FAM169A: variants seen among roughly 807,000 people sequenced by gnomAD.
FAM169A encodes the protein soluble lamin-associated protein of 75 kDa.
Under a neutral mutation model 75.7 loss-of-function variants are expected in FAM169A, and 24 were observed. That is an observed-to-expected ratio of 0.32 (90% CI 0.23 to 0.45). The LOEUF is 0.45. Ranked by LOEUF, FAM169A falls within the 20% of genes least tolerant of loss-of-function variation. The pLI is 1.00. For synonymous variants in FAM169A, 271 were observed against 271.0 expected (o/e 1.00, Z 0.00); for missense variants, 673 against 784.0 (o/e 0.86, Z 1.69).
intron 5 of FAM169A, among the ~76,000 whole-genome samples, chr5:74,818,570 G>GC (rs547390121): frequency 3.9e-3 from 317 of 80,826 alleles, no homozygotes; most frequent in East Asian, 0.017. Context: ...CCCAGACCCC[G>GC]CCCCCCCCAC....
At chr5:74,834,631 T>G in intron 4 of FAM169A, 34 bp from the exon 5 acceptor site, 1 of 1,455,744 alleles carries the variant, frequency 6.9e-7, no homozygotes, top group Non-Finnish European at 9.1e-7. Context: ...GCACAGCAGT[T>G]ATAATATGCA....
intron 5 of FAM169A, among the ~76,000 whole-genome samples, chr5:74,833,115 T>A (rs746328676): frequency 2.0e-5 from 3 of 152,048 alleles, no homozygotes; most frequent in Non-Finnish European, 2.9e-5. Flanking sequence ...AAAGAAGCCC[T>A]CAATACAAAA....
intron 5 of FAM169A, among the ~76,000 whole-genome samples, chr5:74,819,612 G>C (rs1212892260): frequency 6.6e-6 from 1 of 152,112 alleles, no homozygotes; most frequent in Non-Finnish European, 1.5e-5. Flanking sequence ...GTTCATATCA[G>C]CATTGTTCAA....
intron 4 of FAM169A, among the ~76,000 whole-genome samples, chr5:74,838,456 T>A (rs916765374): frequency 6.6e-6 from 1 of 152,166 alleles, no homozygotes; most frequent in African/African-American, 2.4e-5. Context: ...AACCCTTTCA[T>A]CTCTAGCATG....
At chr5:74,822,267 T>C (rs141263660) in intron 5 of FAM169A, among the ~76,000 whole-genome samples, 8 of 152,308 alleles carry the variant, frequency 5.3e-5, no homozygotes, top group African/African-American at 1.9e-4. Context: ...AAGGAATGCA[T>C]CTTAACCACT....
Position 74,834,553 on chromosome 5 carries a change from T to C in FAM169A, c.363A>G (p.Arg121=). 6.2e-7 allele frequency: 1 copy of C among 1,602,616 alleles called. No individual in the cohort carries two copies. The highest frequency in any genetic ancestry group is 2.3e-5 in the East Asian group (1 of 44,438). The change falls in exon 5 of 13, where the codon CGA becomes CGG. Residue 121 remains arginine, a synonymous_variant. Transcript: ENST00000687041. ...CCATTTCCTGTTTTCTATAAATAAT[T>C]CGATTCAGAACATACAGAACCACTC... ...GERVVLYVLN[R]IIYRKQEMER... is the part of the protein sequence containing the mutation.
At chr5:74,852,909 G>T (rs1419448157) in intron 1 of FAM169A, among the ~76,000 whole-genome samples, 6 of 152,158 alleles carry the variant, frequency 3.9e-5, no homozygotes, top group African/African-American at 1.4e-4. Flanking sequence ...GAACTGAAGG[G>T]AGACAAGTTG....
chr5:74,788,798 G>A (rs1031843018), intron 11 of FAM169A, among the ~76,000 whole-genome samples: 1 of 152,150 alleles, frequency 6.6e-6, no homozygotes, highest in African/African-American at 2.4e-5. Flanking sequence ...CAAGGACGGT[G>A]CAGGGGTGGT....
rs2112450113 is a variant in FAM169A at position 74,781,920 on chromosome 5, G to C, written c.1553C>G (p.Pro518Arg). ...ACTCCCAAGATGTGCTTTCTTTCTT[G>C]GAAGTAGGGACAATTTCTCTTCCAT... Reference protein sequence around the residue: ...GHMEEKLSLLPRKKAHLGSSD... With the variant: ...GHMEEKLSLLRRKKAHLGSSD... Residue 518 changes from proline to arginine, a missense_variant, in exon 13 of 13, where the codon CCA (proline) becomes CGA (arginine). Physicochemically the swap from Pro to Arg is moderately radical, Grantham distance 103 (BLOSUM62 -2). This residue lies in a region of FAM169A where 510 missense variants were observed against 550.9 expected (regional missense o/e 0.93). Coordinates refer to ENST00000687041, the MANE Select transcript of FAM169A (RefSeq NM_001376049.1). 1 of 1,613,956 alleles carries C rather than the reference G, an allele frequency of 6.2e-7. No individual in the cohort carries two copies. Among genetic ancestry groups the C allele is most frequent in the Non-Finnish European group, 8.5e-7 (1 of 1,179,918 alleles).
At chr5:74,837,112 T>C (rs181854482) in intron 4 of FAM169A, among the ~76,000 whole-genome samples, 280 of 152,290 alleles carry the variant, frequency 1.8e-3, no homozygotes, top group Middle Eastern at 6.8e-3. Flanking sequence ...TATACCATCA[T>C]ATTAAGATTT....
intron 11 of FAM169A, among the ~76,000 whole-genome samples, chr5:74,792,433 C>T (rs1297561619): frequency 1.3e-5 from 2 of 152,138 alleles, no homozygotes; most frequent in Admixed American, 6.5e-5. Context: ...AGCCTCCCAG[C>T]CTACATCTTT....
intron 5 of FAM169A, among the ~76,000 whole-genome samples, chr5:74,829,693 G>A (rs532695141): frequency 6.6e-6 from 1 of 152,096 alleles, no homozygotes; most frequent in Non-Finnish European, 1.5e-5. Context: ...CAAGAAGCCC[G>A]ACAGGCGTGG....
Position 74,787,076 on chromosome 5 carries a change from C to T in FAM169A, c.1261-3942G>A, listed in dbSNP as rs370259608. 1.3e-4 allele frequency among the ~76,000 whole-genome samples: 20 copies of T among 152,282 alleles called. 1 individual carries two copies. The South Asian group carries it at 4.2e-3, about 32-fold the overall frequency. The stretch of plus-strand genomic sequence containing the variant: ...CCGGTGGCCTCCTAGAGGTGAAGTT[C>T]AGAGTGTGACCCACAAGGAGGTGTG... On this transcript the variant is annotated intron_variant, in intron 11 of 12. Transcript: ENST00000687041.
Position 74,793,779 on chromosome 5 carries a change from G to A in FAM169A, c.1260+2251C>T, listed in dbSNP as rs145070474. On this transcript the variant is annotated intron_variant, in intron 11 of 12. Transcript: ENST00000687041. ...AGCACTTTGGAAGGCCAAGGCGGGCGGATCACACGGTCAGGAGATCAAGAC... is the reference window on the plus strand; with the variant it reads ...AGCACTTTGGAAGGCCAAGGCGGGCAGATCACACGGTCAGGAGATCAAGAC... Among the ~76,000 whole-genome samples, 625 of 152,032 alleles carry A rather than the reference G, an allele frequency of 4.1e-3. 9 individuals carry two copies. Among genetic ancestry groups the A allele is most frequent in the African/African-American group, 0.014 (582 of 41,478 alleles).
intron 5 of FAM169A, 61 bp from the exon 6 acceptor site, chr5:74,814,080 G>A (rs1747346473): frequency 3.0e-6 from 4 of 1,313,940 alleles, no homozygotes; most frequent in Non-Finnish European, 4.1e-6. Context: ...CATACATTTA[G>A]TGACATGAGT....
intron 1 of FAM169A, among the ~76,000 whole-genome samples, chr5:74,844,921 TACCTAGTTGGCATTTACCCAATA>T: frequency 6.6e-6 from 1 of 152,336 alleles, no homozygotes; most frequent in East Asian, 1.9e-4. Context: ...TTTTAAAAGT[TACCTAGTTGGCATTTACCCAATA>T]ACCTCTTCAA....
chr5:74,783,561 T>C (rs1464875376), intron 11 of FAM169A, among the ~76,000 whole-genome samples: 1 of 152,186 alleles, frequency 6.6e-6, no homozygotes, highest in Non-Finnish European at 1.5e-5. Flanking sequence ...ATCTGGAATC[T>C]ATGGGAAATT....
intron 1 of FAM169A, among the ~76,000 whole-genome samples, chr5:74,845,168 A>C (rs1421055173): frequency 6.6e-6 from 1 of 152,198 alleles, no homozygotes; most frequent in Non-Finnish European, 1.5e-5. Context: ...AGATATGATG[A>C]TGATAAGAGG....
At chr5:74,824,045 C>G (rs1169958015) in intron 5 of FAM169A, among the ~76,000 whole-genome samples, 1 of 152,140 alleles carries the variant, frequency 6.6e-6, no homozygotes, top group Non-Finnish European at 1.5e-5. Flanking sequence ...ACAAGGAAAG[C>G]TGACGAGTAA....
Sources: gnomAD v4.1 joint callset for allele counts (sites outside exome capture counted in the v4.1 genomes callset) on GRCh38, gnomAD v4.1.1 for gene constraint, gnomAD v4.1.1 regional missense constraint, MANE v1.5 for transcripts, NCBI Gene and HGNC (gene_info 2026-07-23, HGNC 2026-07-21) for gene names.